The following EEIG2 variants were observed in gnomAD, a reference collection of about 807,000 sequenced individuals.
EEIG2 encodes the protein family with sequence similarity 102 member B.
chr1:108,561,349 C>T, the EEIG2 span, among the ~76,000 whole-genome samples: 2 of 152,128 alleles, frequency 1.3e-5, no homozygotes, highest in Non-Finnish European at 2.9e-5. Context: ...GACAGATGTA[C>T]CCTAAGGTGC....
chr1:108,575,089 CTG>C, the EEIG2 span, among the ~76,000 whole-genome samples: 1 of 152,174 alleles, frequency 6.6e-6, no homozygotes, highest in Non-Finnish European at 1.5e-5. Flanking sequence ...CATATGATAA[CTG>C]TTTAACATCA....
At chr1:108,629,598 A>G in the EEIG2 span, 5 of 1,610,106 alleles carry the variant, frequency 3.1e-6, no homozygotes, top group Admixed American at 3.3e-5. Context: ...AAGAAGGACT[A>G]AGGCTATTTG....
chr1:108,611,833 A>G, the EEIG2 span, among the ~76,000 whole-genome samples: 1 of 152,218 alleles, frequency 6.6e-6, no homozygotes, highest in Non-Finnish European at 1.5e-5. Flanking sequence ...AGGGTGGTGT[A>G]AATACCACTA....
At chr1:108,593,231 G>T in the EEIG2 span, among the ~76,000 whole-genome samples, 1 of 152,272 alleles carries the variant, frequency 6.6e-6, no homozygotes, top group East Asian at 1.9e-4. Flanking sequence ...GTTTCTTAGA[G>T]ACCCACCTTC....
the EEIG2 span, among the ~76,000 whole-genome samples, chr1:108,597,831 A>G: frequency 6.6e-6 from 1 of 152,188 alleles, no homozygotes; most frequent in East Asian, 1.9e-4. Context: ...AGAAAAGTAA[A>G]AGAGTTTTAT....
the EEIG2 span, among the ~76,000 whole-genome samples, chr1:108,601,405 C>T: frequency 1.5e-4 from 23 of 151,886 alleles, no homozygotes; most frequent in African/African-American, 4.3e-4. Flanking sequence ...CTCTTTTCCA[C>T]GCCAGTTCTG....
the EEIG2 span, among the ~76,000 whole-genome samples, chr1:108,568,003 AAAAAGAAAAGAAAAC>A: frequency 6.6e-6 from 1 of 152,158 alleles, no homozygotes; most frequent in Non-Finnish European, 1.5e-5. Flanking sequence ...TGTCTCAAAA[AAAAAGAAAAGAAAAC>A]AAAAGAAAAG....
At chr1:108,595,708 G>A in the EEIG2 span, among the ~76,000 whole-genome samples, 4 of 147,836 alleles carry the variant, frequency 2.7e-5, no homozygotes, top group East Asian at 6.2e-4. Flanking sequence ...TACATGCCAA[G>A]GGAAGGAAGG....
chr1:108,583,165 GT>G, the EEIG2 span, among the ~76,000 whole-genome samples: 3 of 150,192 alleles, frequency 2.0e-5, no homozygotes, highest in African/African-American at 7.3e-5. Flanking sequence ...TTTGTTTTTT[GT>G]TTTTTTTTGA....
At chr1:108,600,159 A>G in the EEIG2 span, among the ~76,000 whole-genome samples, 1 of 152,224 alleles carries the variant, frequency 6.6e-6, no homozygotes, top group Non-Finnish European at 1.5e-5. Flanking sequence ...TATTCCTAGA[A>G]TAAGCATTTG....
the EEIG2 span, chr1:108,628,319 T>C: frequency 6.2e-7 from 1 of 1,611,684 alleles, no homozygotes; most frequent in Non-Finnish European, 8.5e-7. Context: ...TTGAAACTGC[T>C]GTGGTGTGGG....
chr1:108,616,285 A>T, the EEIG2 span: 1 of 814,810 alleles, frequency 1.2e-6, no homozygotes. Context: ...CAATCATTTT[A>T]TTTAATGCTT....
At chr1:108,617,843 G>A in the EEIG2 span, among the ~76,000 whole-genome samples, 3 of 152,174 alleles carry the variant, frequency 2.0e-5, no homozygotes, top group Admixed American at 1.3e-4. Context: ...TGTGTCACAC[G>A]CTGCTGGAGT....
chr1:108,638,322 G>A, the EEIG2 span: 1 of 151,926 alleles, frequency 6.6e-6, no homozygotes, highest in Non-Finnish European at 1.5e-5. Context: ...TTGCTAGAAG[G>A]GAGAAAAAAA....
the EEIG2 span, among the ~76,000 whole-genome samples, chr1:108,570,915 T>G: frequency 6.6e-6 from 1 of 152,020 alleles, no homozygotes; most frequent in Non-Finnish European, 1.5e-5. Flanking sequence ...CTGTGCAGAA[T>G]TAGTTGGTGG....
the EEIG2 span, among the ~76,000 whole-genome samples, chr1:108,634,055 T>C: frequency 2.8e-4 from 42 of 152,348 alleles, no homozygotes; most frequent in African/African-American, 1.0e-3. Context: ...TTGTCTAGTA[T>C]GTGCAAACTG....
the EEIG2 span, among the ~76,000 whole-genome samples, chr1:108,571,439 C>T: frequency 1.1e-4 from 17 of 152,058 alleles, no homozygotes; most frequent in African/African-American, 4.1e-4. Flanking sequence ...ACAGAGGTTT[C>T]AGGTGGTTAT....
At chr1:108,592,674 C>T in the EEIG2 span, among the ~76,000 whole-genome samples, 12 of 152,170 alleles carry the variant, frequency 7.9e-5, no homozygotes, top group African/African-American at 2.9e-4. Flanking sequence ...CAGTGTATTT[C>T]GTCTGTATAC....
chr1:108,628,092 G>A, the EEIG2 span: 1 of 1,257,376 alleles, frequency 8.0e-7, no homozygotes, highest in Admixed American at 1.8e-5. Flanking sequence ...AGTTTATAAA[G>A]TCTGCAGAGT....
Sources: gnomAD v4.1 joint callset for allele counts (sites outside exome capture counted in the v4.1 genomes callset) on GRCh38, gnomAD v4.1.1 for gene constraint, MANE v1.5 for transcripts, NCBI Gene and HGNC (gene_info 2026-07-23, HGNC 2026-07-21) for gene names.